The following ARHGAP39 variants were observed in gnomAD, a reference collection of about 807,000 sequenced individuals.
The protein encoded by ARHGAP39 is rho GTPase-activating protein 39.
In ARHGAP39, 44 loss-of-function variants were observed where a neutral mutation model predicts 106.9. That is an observed-to-expected ratio of 0.41 (90% confidence interval 0.32 to 0.53). ARHGAP39 has a LOEUF of 0.53. Among genes scored for constraint, ARHGAP39 ranks in the 20% least tolerant of loss-of-function variants. The pLI is 0.21. For missense variants in ARHGAP39, 1,496 were observed against 1,577.3 expected (o/e 0.95, Z 0.87); for synonymous variants, 768 against 693.2 (o/e 1.11, Z -1.69).
chr8:144,633,270 A>C (rs1821108302), intron 1 of ARHGAP39, among the ~76,000 whole-genome samples: 1 of 152,200 alleles, frequency 6.6e-6, no homozygotes, highest in Non-Finnish European at 1.5e-5. Flanking sequence ...CATCCTGGCC[A>C]ACATGGTGAA....
At chr8:144,633,437 G>A (rs1821111677) in intron 1 of ARHGAP39, among the ~76,000 whole-genome samples, 1 of 152,082 alleles carries the variant, frequency 6.6e-6, no homozygotes, top group Non-Finnish European at 1.5e-5. Flanking sequence ...CCAGCCTGGT[G>A]ACAGAGTGAG....
In ARHGAP39 at chr8:144,669,894, T is replaced by C. The variant is rs755374866; in HGVS notation, c.-82+15792A>G. 2.1e-4 allele frequency among the ~76,000 whole-genome samples: 32 copies of C among 152,328 alleles called. No individual in the cohort carries two copies. In the East Asian group the frequency reaches 2.1e-3, roughly 10 times the overall value. ...AAGTATTGTCAAGGATGTGGAAACATTGGAACCTTATGTATCGCTGTGGAA... is the reference window on the plus strand; with the variant it reads ...AAGTATTGTCAAGGATGTGGAAACACTGGAACCTTATGTATCGCTGTGGAA... On this transcript the variant is annotated intron_variant, in intron 1 of 11. Transcript: ENST00000377307.
chr8:144,533,908 T>C (rs184659589), intron 8 of ARHGAP39, among the ~76,000 whole-genome samples: 1 of 152,040 alleles, frequency 6.6e-6, no homozygotes, highest in African/African-American at 2.4e-5. Context: ...GCCTTGCTCC[T>C]GAGCTGGGGG....
chr8:144,568,681 C>T, intron 3 of ARHGAP39, among the ~76,000 whole-genome samples: 1 of 152,080 alleles, frequency 6.6e-6, no homozygotes, highest in Non-Finnish European at 1.5e-5. Flanking sequence ...GAAATGGAGC[C>T]TAATAAATGC....
chr8:144,564,906 C>G (rs930171935), intron 3 of ARHGAP39, among the ~76,000 whole-genome samples: 1 of 151,602 alleles, frequency 6.6e-6, no homozygotes, highest in East Asian at 1.9e-4. Context: ...GTCAGGAGTT[C>G]GAGACCAACC....
intron 3 of ARHGAP39, among the ~76,000 whole-genome samples, chr8:144,577,891 T>A (rs1343404101): frequency 6.6e-6 from 1 of 152,104 alleles, no homozygotes; most frequent in Non-Finnish European, 1.5e-5. Context: ...TGAAAAGACA[T>A]CCTCTGTTCA....
intron 1 of ARHGAP39, among the ~76,000 whole-genome samples, chr8:144,612,899 T>C (rs1820532287): frequency 6.6e-6 from 1 of 152,276 alleles, no homozygotes; most frequent in South Asian, 2.1e-4. Context: ...GTATTGATTT[T>C]TTATGCAATC....
At chr8:144,689,203 C>T (rs917338710), upstream of ARHGAP39, among the ~76,000 whole-genome samples, 2 of 151,774 alleles carry the variant, frequency 1.3e-5, no homozygotes, top group African/African-American at 2.4e-5. Context: ...GCTCGCCTGG[C>T]GCATCACAGG....
chr8:144,545,826 G>A lies in ARHGAP39; in HGVS notation c.1960-16C>T, dbSNP rs1241291949. The A allele has an allele frequency of 6.6e-7, 1 of 1,511,500 alleles. No homozygotes were observed. Among genetic ancestry groups the A allele is most frequent in the African/African-American group, 1.4e-5 (1 of 72,830 alleles). The allele number at this position is 1,511,500 out of a possible 1,614,324, so 93.6% of individuals were successfully genotyped here. ...GGTCCTCAGACTGAGAAGGACAAAT[G>A]CGGCTGGGCTGTTGGGGGTGGGGGA... On this transcript the variant is annotated splice_polypyrimidine_tract_variant and intron_variant, in intron 5 of 11. Coordinates refer to ENST00000377307, the MANE Select transcript of ARHGAP39 (RefSeq NM_025251.3).
At chr8:144,590,172 G>A (rs1317021637) in intron 2 of ARHGAP39, among the ~76,000 whole-genome samples, 5 of 152,234 alleles carry the variant, frequency 3.3e-5, no homozygotes, top group Non-Finnish European at 7.3e-5. Flanking sequence ...CATCGACACT[G>A]CGGTTGGGGC....
intron 7 of ARHGAP39, among the ~76,000 whole-genome samples, chr8:144,534,706 G>T (rs560415762): frequency 1.1e-3 from 163 of 152,340 alleles, no homozygotes; most frequent in Non-Finnish European, 1.3e-3. Context: ...CTCTGCTGCA[G>T]CCCTGGGCCT....
intron 6 of ARHGAP39, among the ~76,000 whole-genome samples, chr8:144,542,975 G>C (rs1817261731): frequency 6.7e-6 from 1 of 150,192 alleles, no homozygotes; most frequent in Admixed American, 6.6e-5. Flanking sequence ...TTGCTCTGTT[G>C]CCCAGGCTGG....
intron 2 of ARHGAP39, among the ~76,000 whole-genome samples, chr8:144,583,340 T>G (rs1471654381): frequency 1.3e-5 from 2 of 152,368 alleles, no homozygotes; most frequent in South Asian, 2.1e-4. Context: ...TTCACCCAGA[T>G]TCACCGCGTG....
At chr8:144,672,934 G>A (rs533535850) in intron 1 of ARHGAP39, among the ~76,000 whole-genome samples, 1 of 152,222 alleles carries the variant, frequency 6.6e-6, no homozygotes, top group Admixed American at 6.5e-5. Flanking sequence ...CGCTGATCAG[G>A]GGCCAGGCAC....
chr8:144,571,471 T>C (rs1818584811), intron 3 of ARHGAP39, among the ~76,000 whole-genome samples: 1 of 152,188 alleles, frequency 6.6e-6, no homozygotes, highest in Admixed American at 6.5e-5. Context: ...AAACTAGGTA[T>C]TGATGGGACG....
chr8:144,681,944 A>C (rs1376579583), intron 1 of ARHGAP39, among the ~76,000 whole-genome samples: 1 of 152,168 alleles, frequency 6.6e-6, no homozygotes, highest in Non-Finnish European at 1.5e-5. Flanking sequence ...AAATATGGGG[A>C]ATCTTTCCAC....
chr8:144,610,103 G>C (rs1239401512), intron 1 of ARHGAP39, among the ~76,000 whole-genome samples: 1 of 152,104 alleles, frequency 6.6e-6, no homozygotes, highest in Non-Finnish European at 1.5e-5. Flanking sequence ...AATCACATTT[G>C]TTGGCATAAG....
At chr8:144,695,798 G>A in the ARHGAP39 span, among the ~76,000 whole-genome samples, 2 of 152,172 alleles carry the variant, frequency 1.3e-5, no homozygotes, top group African/African-American at 2.4e-5. Context: ...TGATAGACGC[G>A]GGTCGTTGGG....
chr8:144,557,961 T>C (rs1818007513), intron 3 of ARHGAP39, among the ~76,000 whole-genome samples: 1 of 152,252 alleles, frequency 6.6e-6, no homozygotes, highest in African/African-American at 2.4e-5. Flanking sequence ...ATTGTCAGCC[T>C]AGAGAAATTA....
Sources: allele counts gnomAD v4.1 joint callset (sites outside exome capture counted in the v4.1 genomes callset), GRCh38; gene constraint gnomAD v4.1.1; transcripts MANE v1.5; gene names NCBI Gene and HGNC (gene_info 2026-07-23, HGNC 2026-07-21).